Variants in LRRK1 observed in about 807,000 individuals in gnomAD.
The protein encoded by LRRK1 is leucine rich repeat kinase 1, also known as leucine-rich repeat serine/threonine-protein kinase 1.
LRRK1 carries 113 observed loss-of-function variants against 209.1 expected under a neutral mutation model. The ratio of observed to expected loss-of-function variants is 0.54; its 90% CI spans 0.46 to 0.63. The LOEUF (loss-of-function observed/expected upper bound fraction) is 0.63, where lower values mean the gene tolerates loss of function less well. LRRK1 is among the 30% of genes least tolerant of loss of function. The probability of loss-of-function intolerance (pLI) is 0.00; values close to 1 mark genes in which losing one functional copy is unlikely to be tolerated. For synonymous variants in LRRK1, 1,144 were observed against 1,099.7 expected (o/e 1.04, Z -0.80); for missense variants, 2,284 against 2,632.2 (o/e 0.87, Z 2.89).
chr15:101,061,749 G>A lies in LRRK1; in HGVS notation c.4797+461G>A, dbSNP rs890702438. On this transcript the variant is annotated intron_variant, in intron 30 of 33. Transcript: ENST00000388948. ...AGGCAGGCTAGGCACAGGGGCTCAC[G>A]CCTGTAATCCCAGCACTTTGGGAGG... 4.6e-5 allele frequency among the ~76,000 whole-genome samples: 7 copies of A among 152,322 alleles called. No individual in the cohort carries two copies. The South Asian group carries it at 1.2e-3, about 27-fold the overall frequency.
chr15:100,987,074 C>T (rs144107671), intron 4 of LRRK1, among the ~76,000 whole-genome samples: 1 of 152,262 alleles, frequency 6.6e-6, no homozygotes, highest in Non-Finnish European at 1.5e-5. Context: ...GATTAGGGGT[C>T]ACTTATTTTC....
chr15:100,931,460 G>A (rs1320121446), intron 2 of LRRK1, among the ~76,000 whole-genome samples: 1 of 152,232 alleles, frequency 6.6e-6, no homozygotes, highest in Non-Finnish European at 1.5e-5. Context: ...ATGTTACGAT[G>A]CAAATTTGAG....
At chr15:101,011,182 A>C (rs1350564404) in intron 9 of LRRK1, among the ~76,000 whole-genome samples, 1 of 152,066 alleles carries the variant, frequency 6.6e-6, no homozygotes, top group Non-Finnish European at 1.5e-5. Context: ...AAGAGTAAGA[A>C]ATCAGGCCGG....
At position 101,053,634 on chromosome 15, in the gene LRRK1, CTG is replaced by C. The variant is rs200831873; in HGVS notation, c.4054+215_4054+216del. 7.8e-3 allele frequency among the ~76,000 whole-genome samples: 1,184 copies of C among 152,352 alleles called. 22 individuals carry two copies. The highest frequency in any genetic ancestry group is 0.027 in the African/African-American group (1,112 of 41,586). On this transcript the variant is annotated intron_variant, in intron 26 of 33. Coordinates refer to ENST00000388948, the MANE Select transcript of LRRK1 (RefSeq NM_024652.6). ...TGGCGAGGACGGGGGAGCGCACACT[CTG>C]GAGTCGGCTAAGACCAGGCTCTGCC... is the stretch of plus-strand genomic sequence containing the variant.
intron 2 of LRRK1, among the ~76,000 whole-genome samples, chr15:100,971,238 G>A (rs1262821025): frequency 6.6e-6 from 1 of 151,704 alleles, no homozygotes; most frequent in African/African-American, 2.4e-5. Flanking sequence ...GGAGGTTGAG[G>A]CATGAGAATC....
chr15:101,042,624 A>G (rs1173980759), intron 20 of LRRK1, among the ~76,000 whole-genome samples: 4 of 152,072 alleles, frequency 2.6e-5, no homozygotes, highest in Non-Finnish European at 5.9e-5. Context: ...ATTGGGCAGC[A>G]CACTTCTCTG....
chr15:100,941,583 T>C (rs975497406), intron 2 of LRRK1, among the ~76,000 whole-genome samples: 6 of 151,448 alleles, frequency 4.0e-5, no homozygotes, highest in African/African-American at 1.5e-4. Context: ...CTTCTCTTTA[T>C]GGCGCTGCTC....
intron 2 of LRRK1, among the ~76,000 whole-genome samples, chr15:100,925,004 G>A (rs566097510): frequency 6.6e-5 from 10 of 151,874 alleles, no homozygotes; most frequent in Middle Eastern, 3.2e-3. Context: ...ATGTAGTTTT[G>A]TTTTTTCATT....
intron 2 of LRRK1, among the ~76,000 whole-genome samples, chr15:100,965,076 C>G (rs1009411621): frequency 1.3e-5 from 2 of 152,224 alleles, no homozygotes; most frequent in Admixed American, 1.3e-4. Flanking sequence ...GAACAGTGAG[C>G]TGCCTGCCGT....
intron 2 of LRRK1, among the ~76,000 whole-genome samples, chr15:100,969,351 T>C (rs2030706745): frequency 6.6e-6 from 1 of 152,228 alleles, no homozygotes; most frequent in Non-Finnish European, 1.5e-5. Flanking sequence ...TGGTTATTGT[T>C]TTCTGTGTCC....
chr15:100,921,342 G>A (rs1297111298), intron 1 of LRRK1, among the ~76,000 whole-genome samples: 1 of 152,148 alleles, frequency 6.6e-6, no homozygotes. Context: ...TCTCTGGCCT[G>A]CAGCTCCAAG....
intron 6 of LRRK1, among the ~76,000 whole-genome samples, chr15:101,008,572 G>T (rs1002990642): frequency 6.6e-6 from 1 of 151,950 alleles, no homozygotes; most frequent in African/African-American, 2.4e-5. Flanking sequence ...GCGCCCACCG[G>T]CGCCCTCTGG....
intron 15 of LRRK1, among the ~76,000 whole-genome samples, chr15:101,023,124 C>A (rs1372043279): frequency 6.6e-6 from 1 of 152,128 alleles, no homozygotes; most frequent in Non-Finnish European, 1.5e-5. Context: ...CAGCATCTGC[C>A]CCCTGATGAG....
At chr15:100,922,024 T>C (rs1243917724) in intron 1 of LRRK1, among the ~76,000 whole-genome samples, 1 of 152,238 alleles carries the variant, frequency 6.6e-6, no homozygotes, top group Non-Finnish European at 1.5e-5. Flanking sequence ...ATCTATTTTC[T>C]TTTCCATTAA....
At chr15:101,025,812 A>G (rs2034000660) in intron 16 of LRRK1, among the ~76,000 whole-genome samples, 153 bp from the exon 17 acceptor site, 1 of 152,198 alleles carries the variant, frequency 6.6e-6, no homozygotes, top group Non-Finnish European at 1.5e-5. Flanking sequence ...GATTTGGAGG[A>G]GGCAAACATC....
At chr15:100,991,757 A>C (rs2032165138) in intron 6 of LRRK1, among the ~76,000 whole-genome samples, 1 of 152,186 alleles carries the variant, frequency 6.6e-6, no homozygotes, top group South Asian at 2.1e-4. Flanking sequence ...CTGAATAATC[A>C]TGACTCTAGC....
At chr15:101,038,406 G>A (rs553536309) in intron 20 of LRRK1, among the ~76,000 whole-genome samples, 1 of 152,290 alleles carries the variant, frequency 6.6e-6, no homozygotes, top group South Asian at 2.1e-4. Flanking sequence ...CCTCCTTAGT[G>A]TGGCTGCTCA....
chr15:100,991,265 T>C (rs1185535133), intron 6 of LRRK1, among the ~76,000 whole-genome samples: 1 of 152,238 alleles, frequency 6.6e-6, no homozygotes, highest in Non-Finnish European at 1.5e-5. Context: ...AATCTGTTAA[T>C]GCAAGTTTTC....
At chr15:100,983,938 C>A in intron 4 of LRRK1, 1 of 610,380 alleles carries the variant, frequency 1.6e-6, no homozygotes, top group Non-Finnish European at 3.0e-6. Flanking sequence ...ATTAACATTG[C>A]TTTTTAAAAA....
Sources: gnomAD v4.1 joint callset for allele counts (sites outside exome capture counted in the v4.1 genomes callset) on GRCh38, gnomAD v4.1.1 for gene constraint, MANE v1.5 for transcripts, NCBI Gene and HGNC (gene_info 2026-07-23, HGNC 2026-07-21) for gene names.